The following KPNA6 variants were observed in gnomAD, a reference collection of about 807,000 sequenced individuals.
The protein encoded by KPNA6 is importin subunit alpha-7.
A neutral mutation model predicts 72.0 loss-of-function variants in KPNA6; 9 were observed. That is an observed-to-expected ratio of 0.13 (90% CI 0.08 to 0.22). KPNA6 has a LOEUF of 0.22. KPNA6 is among the 10% of genes least tolerant of loss of function. The pLI is 1.00. For synonymous variants in KPNA6, 219 were observed against 242.1 expected (o/e 0.90, Z 0.89); for missense variants, 374 against 655.7 (o/e 0.57, Z 4.69).
chr1:32,170,107 C>A, intron 13 of KPNA6, 47 bp downstream of exon 13: 2 of 1,548,962 alleles, frequency 1.3e-6, no homozygotes, highest in Admixed American at 1.7e-5. Flanking sequence ...GACTGTAGGC[C>A]TCCAACGTGG....
At chr1:32,120,874 T>C (rs1202612480) in intron 1 of KPNA6, among the ~76,000 whole-genome samples, 1 of 148,034 alleles carries the variant, frequency 6.8e-6, no homozygotes, top group Non-Finnish European at 1.5e-5. Flanking sequence ...GTTCCTTCTT[T>C]TTTTTTTTTT....
At chr1:32,169,770 T>G in intron 12 of KPNA6, 112 bp from the exon 13 acceptor site, 2 of 1,037,884 alleles carry the variant, frequency 1.9e-6, no homozygotes, top group East Asian at 4.9e-5. Flanking sequence ...TCACAATTCT[T>G]AAAAATAAAA....
intron 9 of KPNA6, 114 bp from the exon 10 acceptor site, chr1:32,163,116 AAAAAG>A: frequency 1.5e-6 from 1 of 683,402 alleles, no homozygotes; most frequent in Non-Finnish European, 2.6e-6. Flanking sequence ...AAAAAAAAGA[AAAAAG>A]AAAAAAAAAG....
At chr1:32,144,605 C>A (rs921230985) in intron 1 of KPNA6, among the ~76,000 whole-genome samples, 1 of 152,126 alleles carries the variant, frequency 6.6e-6, no homozygotes, top group Admixed American at 6.6e-5. Flanking sequence ...TTTTATTATT[C>A]TTACTCCATC....
At chr1:32,113,250 G>T (rs2124519510) in intron 1 of KPNA6, among the ~76,000 whole-genome samples, 1 of 152,114 alleles carries the variant, frequency 6.6e-6, no homozygotes, top group South Asian at 2.1e-4. Context: ...AAAATTAGCT[G>T]GGTGTGGTGG....
chr1:32,123,088 CAG>C (rs1012025366), intron 1 of KPNA6, among the ~76,000 whole-genome samples: 1 of 151,800 alleles, frequency 6.6e-6, no homozygotes, highest in Non-Finnish European at 1.5e-5. Flanking sequence ...GAAAAAGACA[CAG>C]AGTCCAGAAA....
intron 1 of KPNA6, among the ~76,000 whole-genome samples, chr1:32,141,102 G>C (rs779289000): frequency 6.6e-6 from 1 of 152,102 alleles, no homozygotes; most frequent in African/African-American, 2.4e-5. Flanking sequence ...TTTGTGGTTG[G>C]TTGGATCTGT....
chr1:32,168,768 T>C (rs747832274), intron 12 of KPNA6, among the ~76,000 whole-genome samples: 2 of 152,102 alleles, frequency 1.3e-5, no homozygotes, highest in East Asian at 1.9e-4. Context: ...AAGGGAATAA[T>C]GGGAGGCAGA....
At chr1:32,120,839 G>A (rs1351588650) in intron 1 of KPNA6, among the ~76,000 whole-genome samples, 30 of 148,018 alleles carry the variant, frequency 2.0e-4, no homozygotes. Context: ...CAGTAGTGCT[G>A]GGATTACCAC....
At position 32,135,947 on chromosome 1, in the gene KPNA6, G is replaced by A. The variant is rs563094527; in HGVS notation, c.5-18641G>A. 2.6e-5 allele frequency among the ~76,000 whole-genome samples: 4 copies of A among 152,078 alleles called. 1 individual carries two copies. In the South Asian group the frequency reaches 6.2e-4, roughly 24 times the overall value. On this transcript the variant is annotated intron_variant, in intron 1 of 13. Transcript: ENST00000373625. Reference sequence around the variant, plus strand: ...TTACCAAAGGAAATAAAAATAATAGGACTTCTTTGCCAACAGGACACTTAA... The same window carrying A: ...TTACCAAAGGAAATAAAAATAATAGAACTTCTTTGCCAACAGGACACTTAA...
chr1:32,119,022 A>ATT (rs1557457158), intron 1 of KPNA6, among the ~76,000 whole-genome samples: 4 of 75,520 alleles, frequency 5.3e-5, no homozygotes, highest in East Asian at 4.0e-4. Context: ...ATATATATAT[A>ATT]TATATATATA....
At chr1:32,150,127 CTTTTTT>C (rs35179721) in intron 1 of KPNA6, among the ~76,000 whole-genome samples, 5 of 87,058 alleles carry the variant, frequency 5.7e-5, no homozygotes, top group Non-Finnish European at 8.9e-5. Flanking sequence ...AATTTTTAGT[CTTTTTT>C]TTTTTTTTTT....
At position 32,151,162 on chromosome 1, in the gene KPNA6, C is replaced by CT. The variant is rs538763431; in HGVS notation, c.5-3418dup. Among the ~76,000 whole-genome samples the CT allele has an allele frequency of 2.4e-3, 368 of 152,026 alleles. 2 individuals are homozygous for CT. The highest frequency in any genetic ancestry group is 8.5e-3 in the African/African-American group (351 of 41,456). On this transcript the variant is annotated intron_variant, in intron 1 of 13. Coordinates refer to ENST00000373625, the MANE Select transcript of KPNA6 (RefSeq NM_012316.5). Reference sequence around the variant, plus strand: ...GTTTTTAGTGTCTGGATTTTGTTGTCTTTTTTTTAAAGGATGTAGGGCGTT... The same window carrying CT: ...GTTTTTAGTGTCTGGATTTTGTTGTCTTTTTTTTTAAAGGATGTAGGGCGTT...
intron 1 of KPNA6, among the ~76,000 whole-genome samples, chr1:32,147,814 C>T (rs1388920779): frequency 5.3e-5 from 8 of 151,786 alleles, no homozygotes; most frequent in Non-Finnish European, 1.2e-4. Context: ...CATACACCAC[C>T]ATGCCCAGCT....
At chr1:32,159,587 T>C (rs1370391073) in intron 6 of KPNA6, 56 bp downstream of exon 6, 15 of 1,572,602 alleles carry the variant, frequency 9.5e-6, no homozygotes, top group Non-Finnish European at 1.3e-5. Flanking sequence ...ATAAAAAATA[T>C]ATTTGGTCTT....
At chr1:32,138,377 C>T (rs890073484) in intron 1 of KPNA6, among the ~76,000 whole-genome samples, 2 of 151,600 alleles carry the variant, frequency 1.3e-5, no homozygotes, top group Non-Finnish European at 2.9e-5. Flanking sequence ...AACCCCATCT[C>T]TACTAAAAAT....
chr1:32,114,188 C>T (rs1222892735), intron 1 of KPNA6, among the ~76,000 whole-genome samples: 2 of 151,990 alleles, frequency 1.3e-5, no homozygotes, highest in Non-Finnish European at 2.9e-5. Context: ...ACCTGTAACC[C>T]CAGCAATTTG....
rs1642449329 is a variant in KPNA6 at position 32,172,097 on chromosome 1, G to A, written c.*1203G>A. On this transcript the variant is annotated 3_prime_UTR_variant, in exon 14 of 14. Coordinates refer to ENST00000373625, the MANE Select transcript of KPNA6 (RefSeq NM_012316.5). ...ATATTAGGTAGGTCAATCTTAATTG[G>A]TCTCAAGAGGAAGAACTGTCTGTCA... 6.6e-6 allele frequency: 1 copy of A among 152,058 alleles called. No homozygotes were observed. The highest frequency in any genetic ancestry group is 1.5e-5 in the Non-Finnish European group (1 of 68,030). 9.4% of individuals were successfully genotyped at this position (152,058 alleles called of 1,614,324 possible). A position where few individuals can be genotyped will look rare whatever the true frequency, so the allele number is the denominator to read the frequency against.
intron 1 of KPNA6, among the ~76,000 whole-genome samples, chr1:32,139,272 G>A (rs115154070): frequency 0.015 from 2,327 of 152,212 alleles, 51 homozygotes; most frequent in African/African-American, 0.053. Context: ...AAGAAAACAG[G>A]TGTTCTGACA....
Sources: gnomAD v4.1 joint callset for allele counts (sites outside exome capture counted in the v4.1 genomes callset) on GRCh38, gnomAD v4.1.1 for gene constraint, MANE v1.5 for transcripts, NCBI Gene and HGNC (gene_info 2026-07-23, HGNC 2026-07-21) for gene names.